Variants in KRT8 observed in about 807,000 individuals in gnomAD.
KRT8 encodes the protein keratin, type II cytoskeletal 8.
A neutral mutation model predicts 43.0 loss-of-function variants in KRT8; 24 were observed. That is an observed-to-expected ratio of 0.56 (90% CI 0.40 to 0.78). The LOEUF (loss-of-function observed/expected upper bound fraction) is 0.78, where lower values mean the gene tolerates loss of function less well. Among genes scored for constraint, KRT8 ranks in the 30% least tolerant of loss-of-function variants. The pLI, the probability that KRT8 is intolerant of heterozygous loss-of-function variation, is 0.00. For missense variants in KRT8, 492 were observed against 638.4 expected (o/e 0.77, Z 2.47); for synonymous variants, 214 against 261.2 (o/e 0.82, Z 1.74).
intron 2 of KRT8, among the ~76,000 whole-genome samples, chr12:52,943,924 CT>C (rs879638116): frequency 8.5e-5 from 13 of 152,202 alleles, no homozygotes; most frequent in Non-Finnish European, 1.3e-4. Context: ...TTTCACCCCC[CT>C]TTTCAAAGAC....
At chr12:52,936,036 G>A (rs374188668) in intron 2 of KRT8, among the ~76,000 whole-genome samples, 16 of 151,854 alleles carry the variant, frequency 1.1e-4, no homozygotes, top group Middle Eastern at 3.4e-3. Flanking sequence ...GGTGGATCAC[G>A]AGGTCAGGAG....
intron 2 of KRT8, among the ~76,000 whole-genome samples, chr12:52,938,153 TATATATA>T (rs1942201990): frequency 4.3e-5 from 2 of 46,570 alleles, no homozygotes; most frequent in Admixed American, 2.1e-4. Flanking sequence ...TATATATATA[TATATATA>T]TATATATATA....
At chr12:52,937,723 C>A (rs527276771) in intron 2 of KRT8, among the ~76,000 whole-genome samples, 2 of 148,238 alleles carry the variant, frequency 1.3e-5, no homozygotes, top group African/African-American at 5.0e-5. Context: ...ACAGGCCGGG[C>A]ATGGTGGTTC....
chr12:52,925,402 G>C (rs1941969772), intron 2 of KRT8, among the ~76,000 whole-genome samples: 1 of 152,168 alleles, frequency 6.6e-6, no homozygotes. Flanking sequence ...ACCTAAAACT[G>C]TGAGACCACT....
intron 2 of KRT8, among the ~76,000 whole-genome samples, chr12:52,929,051 C>G (rs1199016168): frequency 6.6e-6 from 1 of 152,192 alleles, no homozygotes; most frequent in Non-Finnish European, 1.5e-5. Flanking sequence ...ATCCCCAACC[C>G]TAGCCACCAT....
At chr12:52,897,446 A>G in exon 8 of KRT8, 1 of 1,599,464 alleles carries the variant, frequency 6.3e-7, no homozygotes, top group East Asian at 2.2e-5. Flanking sequence ...GCAGGACGTC[A>G]GAGGACTCAG....
At chr12:52,905,587 GA>G (rs1271925039), upstream of KRT8, among the ~76,000 whole-genome samples, 2 of 152,168 alleles carry the variant, frequency 1.3e-5, 1 homozygote, top group African/African-American at 4.8e-5. Flanking sequence ...CCTTGAATCT[GA>G]AATCAACCAT....
At chr12:52,907,260 G>C (rs1396856642), upstream of KRT8, among the ~76,000 whole-genome samples, 1 of 152,196 alleles carries the variant, frequency 6.6e-6, no homozygotes, top group Non-Finnish European at 1.5e-5. Flanking sequence ...ACCCACCAGG[G>C]CTGAGAAGCT....
chr12:52,931,776 C>A (rs569882723), intron 2 of KRT8, among the ~76,000 whole-genome samples: 1 of 152,138 alleles, frequency 6.6e-6, no homozygotes, highest in Non-Finnish European at 1.5e-5. Context: ...AATTCTCCTG[C>A]CTCAGCCTCC....
chr12:52,948,316 C>T (rs1942382062), intron 2 of KRT8: 1 of 151,894 alleles, frequency 6.6e-6, no homozygotes, highest in African/African-American at 2.4e-5. Context: ...TGAGGCTGGG[C>T]ATTGCTTCTC....
intron 2 of KRT8, chr12:52,926,332 G>GGCCACCCCCCC: frequency 6.7e-6 from 4 of 600,246 alleles, no homozygotes; most frequent in Middle Eastern, 2.8e-4. Flanking sequence ...GGCACTAGCT[G>GGCCACCCCCCC]CCCTCCCCAC....
intron 2 of KRT8, among the ~76,000 whole-genome samples, chr12:52,930,156 C>T (rs1942060252): frequency 2.0e-5 from 3 of 151,998 alleles, no homozygotes; most frequent in Admixed American, 1.3e-4. Flanking sequence ...ATTATTGTTA[C>T]TATTATTGCT....
chr12:52,940,158 C>A (rs1458019489), intron 2 of KRT8, among the ~76,000 whole-genome samples: 1 of 151,882 alleles, frequency 6.6e-6, no homozygotes, highest in Non-Finnish European at 1.5e-5. Context: ...CCAGGCCAGG[C>A]GTGGTGGCTC....
intron 2 of KRT8, among the ~76,000 whole-genome samples, chr12:52,938,874 C>T (rs1427267528): frequency 6.6e-6 from 1 of 152,096 alleles, no homozygotes; most frequent in African/African-American, 2.4e-5. Flanking sequence ...GCCTTGACCT[C>T]CCAAAGTGCT....
upstream of KRT8, among the ~76,000 whole-genome samples, chr12:52,906,143 C>T (rs568418052): frequency 6.6e-6 from 1 of 152,326 alleles, no homozygotes; most frequent in South Asian, 2.1e-4. Flanking sequence ...GGGGCTTCCT[C>T]TCCTTCCAAG....
chr12:52,906,250 G>T (rs181145490), upstream of KRT8, among the ~76,000 whole-genome samples: 83 of 152,226 alleles, frequency 5.5e-4, no homozygotes, highest in African/African-American at 1.8e-3. Context: ...GCAGGGGTTG[G>T]GGGGGGCAAG....
At chr12:52,902,794 T>A (rs1350817599) in intron 1 of KRT8, among the ~76,000 whole-genome samples, 4 of 152,086 alleles carry the variant, frequency 2.6e-5, no homozygotes, top group African/African-American at 9.7e-5. Flanking sequence ...GGCGGATTTC[T>A]TGAAGTCAGG....
intron 2 of KRT8, 127 bp downstream of exon 2, chr12:52,901,737 G>A (rs970208834): frequency 4.1e-6 from 3 of 737,458 alleles, no homozygotes; most frequent in Non-Finnish European, 2.5e-6. Context: ...ACCTCATCAG[G>A]TGGTCACCCT....
At chr12:52,904,257 T>G (rs1367187096) in intron 1 of KRT8, among the ~76,000 whole-genome samples, 1 of 152,154 alleles carries the variant, frequency 6.6e-6, no homozygotes, top group Non-Finnish European at 1.5e-5. Context: ...GGGCGATAGC[T>G]TAAAAGACGG....
Sources: gnomAD v4.1 joint callset for allele counts (sites outside exome capture counted in the v4.1 genomes callset) on GRCh38, gnomAD v4.1.1 for gene constraint, MANE v1.5 for transcripts, NCBI Gene and HGNC (gene_info 2026-07-23, HGNC 2026-07-21) for gene names.